The following SNX13 variants were observed in gnomAD, a reference collection of about 807,000 sequenced individuals.
The protein encoded by SNX13 is sorting nexin-13.
A neutral mutation model predicts 133.6 loss-of-function variants in SNX13; 45 were observed. The ratio of observed to expected loss-of-function variants is 0.34; its 90% CI spans 0.27 to 0.43. The LOEUF is 0.43. Among genes scored for constraint, SNX13 ranks in the 20% least tolerant of loss-of-function variants. SNX13 has a pLI of 1.00. For synonymous variants in SNX13, 414 were observed against 373.9 expected (o/e 1.11, Z -1.24); for missense variants, 1,032 against 1,145.1 (o/e 0.90, Z 1.43).
chr7:17,812,047 A>G (rs1445188475), intron 20 of SNX13, among the ~76,000 whole-genome samples: 1 of 152,188 alleles, frequency 6.6e-6, no homozygotes, highest in East Asian at 1.9e-4. Flanking sequence ...TAAAAACCCT[A>G]GAAGAAAACC....
intron 15 of SNX13, among the ~76,000 whole-genome samples, chr7:17,833,641 A>G (rs1337546114): frequency 6.6e-6 from 1 of 151,710 alleles, no homozygotes; most frequent in Non-Finnish European, 1.5e-5. Context: ...ACAATTAAAG[A>G]TATTTAAAAC....
intron 9 of SNX13, among the ~76,000 whole-genome samples, chr7:17,865,970 A>C (rs1793350081): frequency 6.6e-6 from 1 of 152,198 alleles, no homozygotes; most frequent in African/African-American, 2.4e-5. Flanking sequence ...CCTATCTCTC[A>C]GCATATAGAA....
chr7:17,812,398 C>T (rs191722905), intron 20 of SNX13, among the ~76,000 whole-genome samples: 3 of 152,254 alleles, frequency 2.0e-5, no homozygotes, highest in African/African-American at 4.8e-5. Flanking sequence ...TGAAAAAAAG[C>T]TCAACATCAC....
intron 5 of SNX13, 108 bp downstream of exon 5, chr7:17,890,255 T>C (rs1796483533): frequency 1.9e-6 from 2 of 1,062,672 alleles, no homozygotes; most frequent in Non-Finnish European, 2.6e-6. Flanking sequence ...TAATCTGCTG[T>C]TCTACTTACC....
intron 9 of SNX13, among the ~76,000 whole-genome samples, chr7:17,860,228 A>C (rs1792489004): frequency 6.6e-6 from 1 of 152,072 alleles, no homozygotes; most frequent in African/African-American, 2.4e-5. Context: ...TGTGATTTGC[A>C]TTTCCATAAT....
At chr7:17,860,035 T>C (rs1466260383) in intron 9 of SNX13, among the ~76,000 whole-genome samples, 1 of 152,194 alleles carries the variant, frequency 6.6e-6, no homozygotes, top group East Asian at 1.9e-4. Context: ...TGTTAGATCA[T>C]ACGGTAACAA....
At chr7:17,876,628 GTATAAAGAATGA>G (rs1303297769) in intron 5 of SNX13, among the ~76,000 whole-genome samples, 3 of 149,534 alleles carry the variant, frequency 2.0e-5, no homozygotes, top group African/African-American at 7.3e-5. Flanking sequence ...CAAGGAAATG[GTATAAAGAATGA>G]TATAAAATAT....
intron 1 of SNX13, among the ~76,000 whole-genome samples, chr7:17,934,744 A>C (rs1256816381): frequency 6.6e-6 from 1 of 152,228 alleles, no homozygotes; most frequent in African/African-American, 2.4e-5. Context: ...CATGTCTCAA[A>C]GGAAGACATA....
At chr7:17,883,429 T>C (rs1336852762) in intron 5 of SNX13, among the ~76,000 whole-genome samples, 1 of 152,212 alleles carries the variant, frequency 6.6e-6, no homozygotes, top group East Asian at 1.9e-4. Flanking sequence ...AACAGGAGTA[T>C]TAATAAAACT....
intron 1 of SNX13, among the ~76,000 whole-genome samples, chr7:17,898,666 T>G (rs773742159): frequency 6.6e-6 from 1 of 152,290 alleles, no homozygotes; most frequent in East Asian, 1.9e-4. Context: ...CACACGGGGA[T>G]AAGTGCTATG....
At chr7:17,936,364 A>G (rs1214733000) in intron 1 of SNX13, among the ~76,000 whole-genome samples, 2 of 152,364 alleles carry the variant, frequency 1.3e-5, no homozygotes, top group East Asian at 1.9e-4. Context: ...CAGTGTTAAT[A>G]TTGAAAAAGC....
intron 9 of SNX13, among the ~76,000 whole-genome samples, chr7:17,859,658 C>A (rs923297998): frequency 6.6e-6 from 1 of 151,970 alleles, no homozygotes; most frequent in East Asian, 1.9e-4. Flanking sequence ...ACTCTAGATC[C>A]ACTGAACAAC....
chr7:17,805,255 G>GCGCGCGCGCGCGCC (rs1554304359), intron 20 of SNX13, among the ~76,000 whole-genome samples: 1 of 86,764 alleles, frequency 1.2e-5, no homozygotes, highest in Non-Finnish European at 2.8e-5. Context: ...GTGTGTGCGT[G>GCGCGCGCGCGCGCC]CGCGCGCGCG....
chr7:17,866,598 T>C (rs1295137434), intron 9 of SNX13, among the ~76,000 whole-genome samples: 1 of 152,192 alleles, frequency 6.6e-6, no homozygotes, highest in African/African-American at 2.4e-5. Context: ...AGGGACATTA[T>C]GTTAAGTCAA....
intron 9 of SNX13, among the ~76,000 whole-genome samples, chr7:17,867,864 T>G (rs752397300): frequency 3.3e-5 from 5 of 151,994 alleles, no homozygotes; most frequent in Admixed American, 6.6e-5. Flanking sequence ...AAAGGATACA[T>G]TATAAAGAAA....
At chr7:17,875,894 T>G in intron 5 of SNX13, 104 bp from the exon 6 acceptor site, 5 of 921,260 alleles carry the variant, frequency 5.4e-6, no homozygotes, top group East Asian at 2.7e-5. Flanking sequence ...TCTGAGACTG[T>G]AAATTTAAAT....
At chr7:17,820,216 A>C (rs1787133755) in intron 18 of SNX13, among the ~76,000 whole-genome samples, 1 of 152,162 alleles carries the variant, frequency 6.6e-6, no homozygotes, top group Non-Finnish European at 1.5e-5. Flanking sequence ...ATATTAAACT[A>C]AACTCTCATT....
At position 17,940,304 on chromosome 7, in the gene SNX13, C is replaced by T; in HGVS notation, c.-9G>A. On this transcript the variant is annotated 5_prime_UTR_variant, in exon 1 of 26. Transcript: ENST00000428135. ...CTTACCTCAGTTAACATTATTACAC[C>T]CCGGGGAAGTGAGGTCCTCCCTAGC... 5 of 1,566,248 alleles carry T rather than the reference C, an allele frequency of 3.2e-6. No individual in the cohort carries two copies. The highest frequency in any genetic ancestry group is 4.3e-6 in the Non-Finnish European group (5 of 1,155,450).
intron 5 of SNX13, among the ~76,000 whole-genome samples, chr7:17,885,101 C>T (rs987206915): frequency 1.3e-5 from 2 of 151,988 alleles, no homozygotes; most frequent in Non-Finnish European, 1.5e-5. Flanking sequence ...AACCTAAATG[C>T]CCATTTACTG....
Sources: allele counts gnomAD v4.1 joint callset (sites outside exome capture counted in the v4.1 genomes callset), GRCh38; gene constraint gnomAD v4.1.1; transcripts MANE v1.5; gene names NCBI Gene and HGNC (gene_info 2026-07-23, HGNC 2026-07-21).